GRIA3: variants seen among roughly 807,000 people sequenced by gnomAD.
GRIA3 encodes the protein glutamate ionotropic receptor AMPA type subunit 3.
GRIA3 carries 3 observed loss-of-function variants against 63.0 expected under a neutral mutation model. The ratio of observed to expected loss-of-function variants is 0.05; its 90% CI spans 0.02 to 0.12. The LOEUF (loss-of-function observed/expected upper bound fraction) is 0.12, where lower values mean the gene tolerates loss of function less well. GRIA3 is among the 10% of genes least tolerant of loss of function. The probability of loss-of-function intolerance (pLI) is 1.00; values close to 1 mark genes in which losing one functional copy is unlikely to be tolerated. For missense variants in GRIA3, 347 were observed against 700.9 expected, an observed-to-expected ratio of 0.50 and a Z score of 5.70; for synonymous variants, 274 against 257.9, an observed-to-expected ratio of 1.06 and a Z score of -0.60.
At chrX:123,214,932 C>T (rs750345249) in intron 2 of GRIA3, among the ~76,000 whole-genome samples, 2 of 111,878 alleles carry the variant, frequency 1.8e-5, no homozygotes, top group South Asian at 7.6e-4. Context: ...CTTCAGGAAT[C>T]TGCATTCTTA....
intron 14 of GRIA3, among the ~76,000 whole-genome samples, chrX:123,481,998 T>C (rs1166403371): frequency 8.9e-6 from 1 of 112,308 alleles, no homozygotes; most frequent in Non-Finnish European, 1.9e-5. Context: ...ATCAGCCTCC[T>C]GGAAAAGCTT....
At position 123,417,491 on chromosome X, in the gene GRIA3, C is replaced by T. The variant is rs750886556; in HGVS notation, c.1590C>T (p.Ile530=). ...CAAAGCCATTCATGAGCCTGGGCAT[C>T]TCCATCATGATAAAGAAGCCTCAGA... The part of the protein sequence containing the change: ...DFSKPFMSLG[I]SIMIKKPQKS... The change falls in exon 11 of 16, where the codon ATC becomes ATT. Residue 530 remains isoleucine (I), a synonymous_variant. Transcript: ENST00000620443. The T allele has an allele frequency of 3.3e-6, 4 of 1,209,682 alleles. No individual in the cohort carries two copies. The highest frequency in any genetic ancestry group is 3.4e-6 in the Non-Finnish European group (3 of 893,751).
chrX:123,363,221 CT>C (rs1427491854), intron 5 of GRIA3, among the ~76,000 whole-genome samples: 1 of 111,925 alleles, frequency 8.9e-6, no homozygotes, highest in African/African-American at 3.2e-5. Context: ...CATTCTACTG[CT>C]TTTATCTTTC....
At chrX:123,484,277 T>C (rs748571719) in intron 15 of GRIA3, among the ~76,000 whole-genome samples, 53 of 112,397 alleles carry the variant, frequency 4.7e-4, no homozygotes, top group Non-Finnish European at 8.8e-4. Flanking sequence ...TAAAAGAATA[T>C]AGTCTTGTTA....
At chrX:123,248,956 G>A (rs2044374838) in intron 2 of GRIA3, among the ~76,000 whole-genome samples, 1 of 111,982 alleles carries the variant, frequency 8.9e-6, no homozygotes, top group Non-Finnish European at 1.9e-5. Context: ...GAAGCAGCTG[G>A]CAGATGAATC....
intron 4 of GRIA3, among the ~76,000 whole-genome samples, chrX:123,341,367 T>C (rs2045007669): frequency 8.9e-6 from 1 of 111,825 alleles, no homozygotes; most frequent in Admixed American, 9.5e-5. Context: ...GTACAAATTC[T>C]TATTACTTTT....
chrX:123,392,993 G>T (rs754862388), intron 5 of GRIA3, among the ~76,000 whole-genome samples: 1 of 112,059 alleles, frequency 8.9e-6, no homozygotes, highest in Non-Finnish European at 1.9e-5. Context: ...TATTACAGGG[G>T]GAATAAAATG....
chrX:123,376,268 A>C lies in GRIA3; in HGVS notation c.751-18700A>C, dbSNP rs55750079. ...CTAGAAATATGTGACAGAAAAAAAA[A>C]CAAAATATTTTAAAATAGAATAGAA... On this transcript the variant is annotated intron_variant, in intron 5 of 15. Transcript: ENST00000620443. 8.9e-3 allele frequency among the ~76,000 whole-genome samples: 995 copies of C among 112,204 alleles called. 14 individuals are homozygous for C. Among genetic ancestry groups the C allele is most frequent in the African/African-American group, 0.025 (774 of 30,909 alleles).
At chrX:123,211,625 G>A (rs896068852) in intron 2 of GRIA3, among the ~76,000 whole-genome samples, 16 of 111,319 alleles carry the variant, frequency 1.4e-4, no homozygotes, top group Non-Finnish European at 2.6e-4. Flanking sequence ...TTGATCCATG[G>A]AACATAAACA....
intron 3 of GRIA3, among the ~76,000 whole-genome samples, chrX:123,289,158 C>T (rs973741272): frequency 3.6e-5 from 4 of 111,171 alleles, no homozygotes; most frequent in Non-Finnish European, 7.5e-5. Context: ...TCTCAGCAAA[C>T]TGATGCAGGA....
rs746938664 is a variant in GRIA3 at position 123,344,157 on chromosome X, AGTTTT to A, written c.697-10742_697-10738del. On this transcript the variant is annotated intron_variant, in intron 4 of 15. Transcript: ENST00000620443. ...AACTATGCTTTACTGCCCAACTCACAGTTTTGTTTTGTTTTATCACTTGCAGTGTT... is the reference window on the plus strand; with the variant it reads ...AACTATGCTTTACTGCCCAACTCACAGTTTTGTTTTATCACTTGCAGTGTT... 4.5e-3 allele frequency among the ~76,000 whole-genome samples: 509 copies of A among 111,954 alleles called. 2 individuals carry two copies. Among genetic ancestry groups the A allele is most frequent in the Non-Finnish European group, 7.6e-3 (403 of 53,151 alleles).
Position 123,184,456 on chromosome X carries a change from A to ATTCTTT in GRIA3, c.-69_-64dup. On this transcript the variant is annotated 5_prime_UTR_variant, in exon 1 of 16. Coordinates refer to ENST00000620443, the MANE Select transcript of GRIA3 (RefSeq NM_007325.5). ...GGGGAGGGGGTGTAAGAGCCAGCGAATTCTTTTTCTTTTTCTATTATTATT... is the reference window on the plus strand; with the variant it reads ...GGGGAGGGGGTGTAAGAGCCAGCGAATTCTTTTTCTTTTTCTTTTTCTATTATTATT... The ATTCTTT allele has an allele frequency of 1.3e-6, 1 of 767,474 alleles. No individual in the cohort carries two copies. Among genetic ancestry groups the ATTCTTT allele is most frequent in the Non-Finnish European group, 2.0e-6 (1 of 491,640 alleles). 63.2% of individuals were successfully genotyped at this position (767,474 alleles called of 1,213,427 possible).
intron 3 of GRIA3, among the ~76,000 whole-genome samples, chrX:123,282,855 G>A (rs764637043): frequency 8.9e-6 from 1 of 112,541 alleles, no homozygotes; most frequent in Non-Finnish European, 1.9e-5. Flanking sequence ...GCAGTGAGCC[G>A]AGATTGCACC....
intron 2 of GRIA3, among the ~76,000 whole-genome samples, chrX:123,238,740 T>C (rs1226414766): frequency 9.8e-6 from 1 of 101,950 alleles, no homozygotes; most frequent in East Asian, 3.2e-4. Flanking sequence ...AGTTTTCCTT[T>C]ATTCTTTTTT....
intron 10 of GRIA3, among the ~76,000 whole-genome samples, chrX:123,417,028 A>T (rs773771322): frequency 8.9e-6 from 1 of 112,366 alleles, no homozygotes; most frequent in East Asian, 2.8e-4. Context: ...CAAGTGAGGG[A>T]GATAAGACAT....
chrX:123,205,289 A>G (rs1927856877), intron 2 of GRIA3, among the ~76,000 whole-genome samples: 1 of 111,951 alleles, frequency 8.9e-6, no homozygotes, highest in African/African-American at 3.3e-5. Flanking sequence ...GAGTGGTTCT[A>G]AGCTAATTTT....
chrX:123,441,406 T>C (rs1385666936), intron 12 of GRIA3, among the ~76,000 whole-genome samples: 5 of 111,645 alleles, frequency 4.5e-5, no homozygotes, highest in African/African-American at 1.6e-4. Flanking sequence ...GAAATCAATA[T>C]ATAGACTGCC....
chrX:123,264,866 C>T (rs149154849), intron 3 of GRIA3, among the ~76,000 whole-genome samples: 6 of 111,725 alleles, frequency 5.4e-5, no homozygotes, highest in African/African-American at 1.3e-4. Flanking sequence ...TGAATAGTCC[C>T]GTTAAGGGTG....
chrX:123,482,091 A>G (rs993630108), intron 14 of GRIA3, among the ~76,000 whole-genome samples: 2 of 111,964 alleles, frequency 1.8e-5, no homozygotes, highest in African/African-American at 6.5e-5. Flanking sequence ...AACGGAGCCA[A>G]TTCTTTGTGC....
Sources: gnomAD v4.1 joint callset for allele counts (sites outside exome capture counted in the v4.1 genomes callset) on GRCh38, gnomAD v4.1.1 for gene constraint, MANE v1.5 for transcripts, NCBI Gene and HGNC (gene_info 2026-07-23, HGNC 2026-07-21) for gene names.